CTNNA3: variants seen among roughly 807,000 people sequenced by gnomAD.
The protein encoded by CTNNA3 is catenin alpha 3.
CTNNA3 carries 76 observed loss-of-function variants against 95.7 expected under a neutral mutation model. The observed-to-expected ratio is 0.79, with a 90% confidence interval of 0.66 to 0.96. CTNNA3 has a LOEUF of 0.96. Ranked by LOEUF, CTNNA3 falls within the 40% of genes least tolerant of loss-of-function variation. The pLI, the probability that CTNNA3 is intolerant of heterozygous loss-of-function variation, is 0.00. For synonymous variants in CTNNA3, 431 were observed against 374.4 expected, an observed-to-expected ratio of 1.15 and a Z score of -1.74; for missense variants, 1,191 against 1,089.8, an observed-to-expected ratio of 1.09 and a Z score of -1.31.
At chr10:67,719,234 T>C (rs886287247) in intron 1 of CTNNA3, among the ~76,000 whole-genome samples, 1 of 152,016 alleles carries the variant, frequency 6.6e-6, no homozygotes, top group Non-Finnish European at 1.5e-5. Context: ...ATTTTGTTAA[T>C]CTTTAAAAAA....
At chr10:66,836,160 T>C (rs1007225786) in intron 7 of CTNNA3, among the ~76,000 whole-genome samples, 5 of 152,312 alleles carry the variant, frequency 3.3e-5, no homozygotes, top group African/African-American at 1.2e-4. Flanking sequence ...CAACATGATG[T>C]CACTGAGCTG....
At position 67,672,428 on chromosome 10, in the gene CTNNA3, C is replaced by T. The variant is rs1475364984; in HGVS notation, c.-6+23572G>A. ...CTTTTGGTGTTTTAGACATGAAGTC[C>T]TTGCCCATGCCTATGTCCTGAATGG... On this transcript the variant is annotated intron_variant, in intron 1 of 17. Transcript: ENST00000433211. 3.9e-5 allele frequency among the ~76,000 whole-genome samples: 6 copies of T among 152,224 alleles called. No homozygotes were observed. The South Asian group carries it at 8.3e-4, about 21-fold the overall frequency.
intron 5 of CTNNA3, among the ~76,000 whole-genome samples, chr10:67,306,079 T>C (rs963703718): frequency 6.6e-5 from 10 of 151,684 alleles, no homozygotes; most frequent in Admixed American, 5.9e-4. Context: ...GAGGAGAAAA[T>C]AGGAGGTGAA....
intron 13 of CTNNA3, among the ~76,000 whole-genome samples, chr10:66,169,339 G>T (rs1484778942): frequency 6.6e-6 from 1 of 152,122 alleles, no homozygotes; most frequent in Non-Finnish European, 1.5e-5. Context: ...CATCCAGGTT[G>T]CTCTGAATGC....
intron 14 of CTNNA3, among the ~76,000 whole-genome samples, chr10:66,095,943 C>G (rs939150191): frequency 6.6e-6 from 1 of 151,948 alleles, no homozygotes; most frequent in African/African-American, 2.4e-5. Context: ...ACATGACAGA[C>G]CTTAGTCATC....
chr10:66,602,918 AC>A (rs1843983053), intron 10 of CTNNA3, among the ~76,000 whole-genome samples: 1 of 152,108 alleles, frequency 6.6e-6, no homozygotes, highest in African/African-American at 2.4e-5. Context: ...AAAATCTTCA[AC>A]AAATTTTGCA....
At chr10:66,892,663 G>A (rs1392207987) in intron 7 of CTNNA3, among the ~76,000 whole-genome samples, 1 of 152,032 alleles carries the variant, frequency 6.6e-6, no homozygotes, top group Non-Finnish European at 1.5e-5. Flanking sequence ...CATTCATGAT[G>A]CTAATTAGCT....
chr10:66,461,216 A>ATAAACATTTTGGAGGGTATAATGCTCAG (rs1362046559), intron 11 of CTNNA3, among the ~76,000 whole-genome samples: 1 of 152,086 alleles, frequency 6.6e-6, no homozygotes, highest in Non-Finnish European at 1.5e-5. Flanking sequence ...TTTGGAGGGT[A>ATAAACATTTTGGAGGGTATAATGCTCAG]TCTGATAAAG....
At chr10:66,651,807 T>G (rs1845915954) in intron 9 of CTNNA3, among the ~76,000 whole-genome samples, 1 of 23,022 alleles carries the variant, frequency 4.3e-5, no homozygotes, top group African/African-American at 3.3e-4. Context: ...ATTGGCCGGT[T>G]CCCACCCGCG....
intron 8 of CTNNA3, among the ~76,000 whole-genome samples, chr10:66,774,078 A>T (rs188546633): frequency 7.9e-5 from 12 of 152,276 alleles, no homozygotes; most frequent in Admixed American, 1.3e-4. Context: ...TCTTGACTTT[A>T]TTTAGAAAAA....
chr10:67,237,128 A>ATATATATATATATATATATATG, intron 5 of CTNNA3, among the ~76,000 whole-genome samples: 2 of 21,272 alleles, frequency 9.4e-5, no homozygotes, highest in African/African-American at 4.8e-4. Flanking sequence ...TGGTGTATGT[A>ATATATATATATATATATATATG]TATATATATA....
At chr10:67,032,364 C>G (rs972284135) in intron 7 of CTNNA3, among the ~76,000 whole-genome samples, 1 of 152,082 alleles carries the variant, frequency 6.6e-6, no homozygotes, top group Admixed American at 6.5e-5. Flanking sequence ...GTAAATTTGC[C>G]TACTTTCCTC....
At chr10:66,815,013 G>A (rs1842021449) in intron 7 of CTNNA3, among the ~76,000 whole-genome samples, 1 of 151,582 alleles carries the variant, frequency 6.6e-6, no homozygotes, top group Admixed American at 6.6e-5. Context: ...CACCACGCCT[G>A]GCTAATTTTT....
At chr10:66,563,579 AG>A (rs1842617162) in intron 10 of CTNNA3, among the ~76,000 whole-genome samples, 1 of 152,120 alleles carries the variant, frequency 6.6e-6, no homozygotes, top group Non-Finnish European at 1.5e-5. Context: ...ACTAAACCAA[AG>A]AGAAAAGTCA....
At chr10:66,500,347 G>A (rs545149811) in intron 11 of CTNNA3, among the ~76,000 whole-genome samples, 1 of 152,164 alleles carries the variant, frequency 6.6e-6, no homozygotes, top group Non-Finnish European at 1.5e-5. Context: ...ATGACAGACA[G>A]AAGATAATAA....
At chr10:67,733,129 G>A (rs563650248) in intron 1 of CTNNA3, among the ~76,000 whole-genome samples, 1 of 152,076 alleles carries the variant, frequency 6.6e-6, no homozygotes, top group Non-Finnish European at 1.5e-5. Flanking sequence ...ATCAAATTAT[G>A]TGCAAGGATT....
intron 10 of CTNNA3, among the ~76,000 whole-genome samples, chr10:66,617,154 C>T (rs1259577974): frequency 6.6e-6 from 1 of 151,738 alleles, no homozygotes; most frequent in Non-Finnish European, 1.5e-5. Flanking sequence ...ATAAAGGTAA[C>T]AAATTAATAT....
chr10:65,940,790 T>C (rs942475164), intron 17 of CTNNA3, among the ~76,000 whole-genome samples: 12 of 152,200 alleles, frequency 7.9e-5, no homozygotes, highest in Admixed American at 2.0e-4. Context: ...AAACTTGCAA[T>C]GCCATTCACA....
intron 10 of CTNNA3, among the ~76,000 whole-genome samples, chr10:66,526,509 T>C (rs767909902): frequency 1.3e-5 from 2 of 152,180 alleles, no homozygotes; most frequent in Non-Finnish European, 2.9e-5. Context: ...ATTTAATTTA[T>C]GAAATGGCCA....
Sources: allele counts gnomAD v4.1 joint callset (sites outside exome capture counted in the v4.1 genomes callset), GRCh38; gene constraint gnomAD v4.1.1; transcripts MANE v1.5; gene names NCBI Gene and HGNC (gene_info 2026-07-23, HGNC 2026-07-21).